Variants in POLK observed in about 807,000 individuals in gnomAD.
The protein encoded by POLK is polymerase (DNA directed) kappa.
Under a neutral mutation model 94.0 loss-of-function variants are expected in POLK, and 76 were observed. That is an observed-to-expected ratio of 0.81 (90% CI 0.67 to 0.98). The LOEUF is 0.98. Ranked by LOEUF, POLK falls within the 50% of genes least tolerant of loss-of-function variation. The probability of loss-of-function intolerance (pLI) is 0.00; values close to 1 mark genes in which losing one functional copy is unlikely to be tolerated. For missense variants in POLK, 954 were observed against 1,010.1 expected, an observed-to-expected ratio of 0.94 and a Z score of 0.75; for synonymous variants, 349 against 325.4, an observed-to-expected ratio of 1.07 and a Z score of -0.78.
chr5:75,602,507 C>CT (rs1478144312), downstream of POLK, among the ~76,000 whole-genome samples: 2 of 152,116 alleles, frequency 1.3e-5, no homozygotes, highest in African/African-American at 4.8e-5. Flanking sequence ...CCTGAGGCTG[C>CT]TAGGTTAACC....
At chr5:75,568,829 T>A (rs1376134808) in intron 3 of POLK, 1 of 195,196 alleles carries the variant, frequency 5.1e-6, no homozygotes, top group Non-Finnish European at 1.1e-5. Flanking sequence ...GTTGCTTTTT[T>A]AAGACATTAT....
Position 75,523,467 on chromosome 5 carries a change from T to TCAGGCA in POLK, c.-14+11554_-14+11559dup, listed in dbSNP as rs1266953062. Among the ~76,000 whole-genome samples the TCAGGCA allele has an allele frequency of 2.6e-5, 4 of 152,192 alleles. 1 individual carries two copies. Among genetic ancestry groups the TCAGGCA allele is most frequent in the Admixed American group, 2.6e-4 (4 of 15,282 alleles). ...TATGCAGTAATATTTACCTTAGCCC[T>TCAGGCA]CAGGCAGATATGTGAAAAGATGTGT... On this transcript the variant is annotated intron_variant, in intron 1 of 14. Coordinates refer to ENST00000241436, the Ensembl canonical transcript of POLK.
exon 15 of POLK, chr5:75,600,627 C>A (rs986232946): frequency 1.3e-5 from 2 of 151,974 alleles, no homozygotes; most frequent in Non-Finnish European, 2.9e-5. Context: ...CTGCAATATC[C>A]AAAAGTTAGA....
intron 11 of POLK, among the ~76,000 whole-genome samples, chr5:75,591,958 C>T (rs1378665952): frequency 6.6e-6 from 1 of 152,200 alleles, no homozygotes; most frequent in Non-Finnish European, 1.5e-5. Flanking sequence ...GTTTGCTAGG[C>T]TTCTCCACTG....
At chr5:75,568,077 T>G (rs1394975543) in intron 3 of POLK, among the ~76,000 whole-genome samples, 1 of 152,154 alleles carries the variant, frequency 6.6e-6, no homozygotes, top group East Asian at 1.9e-4. Context: ...AAAAGCCACA[T>G]ATACACCTAT....
intron 2 of POLK, among the ~76,000 whole-genome samples, chr5:75,551,789 C>CTTTAAATGGCATTTCCTCAAATGG (rs1284269099): frequency 2.0e-5 from 3 of 152,168 alleles, no homozygotes; most frequent in Non-Finnish European, 4.4e-5. Context: ...GGTTCAACCA[C>CTTTAAATGGCATTTCCTCAAATGG]TTTGGAAAAC....
At chr5:75,603,436 A>G (rs1773345384), downstream of POLK, among the ~76,000 whole-genome samples, 1 of 152,176 alleles carries the variant, frequency 6.6e-6, no homozygotes, top group African/African-American at 2.4e-5. Flanking sequence ...TCAAAAAAAA[A>G]AAAAAAGCAG....
intron 6 of POLK, among the ~76,000 whole-genome samples, chr5:75,579,361 T>A (rs1388079248): frequency 6.6e-6 from 1 of 150,540 alleles, no homozygotes; most frequent in African/African-American, 2.4e-5. Context: ...CAGTCTTTAT[T>A]TTTTTTTTAT....
chr5:75,587,147 T>C, intron 10 of POLK, 89 bp downstream of exon 10: 1 of 791,298 alleles, frequency 1.3e-6, no homozygotes, highest in Non-Finnish European at 2.0e-6. Flanking sequence ...ATCACTGAAA[T>C]AAGAAATCTA....
chr5:75,546,950 AGCCACCAC>A (rs1225156776), intron 1 of POLK, 52 bp from the exon 2 acceptor site: 1 of 849,866 alleles, frequency 1.2e-6, no homozygotes, highest in African/African-American at 1.7e-5. Flanking sequence ...TACGGGCATG[AGCCACCAC>A]GCCTGGCCAC....
intron 3 of POLK, among the ~76,000 whole-genome samples, chr5:75,554,582 A>G (rs2112672863): frequency 6.6e-6 from 1 of 151,948 alleles, no homozygotes; most frequent in Middle Eastern, 3.4e-3. Context: ...GGTTTGTTGT[A>G]CAGATTATTT....
intron 1 of POLK, among the ~76,000 whole-genome samples, chr5:75,528,063 G>C (rs1440563134): frequency 6.6e-6 from 1 of 152,190 alleles, no homozygotes; most frequent in African/African-American, 2.4e-5. Context: ...ACTAAATTCA[G>C]ATGCCCAGAC....
chr5:75,520,721 C>T (rs1471895853), intron 1 of POLK, among the ~76,000 whole-genome samples: 1 of 152,088 alleles, frequency 6.6e-6, no homozygotes, highest in Non-Finnish European at 1.5e-5. Flanking sequence ...GAGTTTTATA[C>T]CTTTAAATGT....
In POLK at chr5:75,591,109, C is replaced by CT. The variant is rs1184679071; in HGVS notation, c.1356+670dup. On this transcript the variant is annotated intron_variant, in intron 11 of 14. Transcript: ENST00000241436. ...AGTGTTCAATAGATCAGTAAGGTGACTATAGTGTACAGTAATCTGTGTTAC... is the reference window on the plus strand; with the variant it reads ...AGTGTTCAATAGATCAGTAAGGTGACTTATAGTGTACAGTAATCTGTGTTAC... 3.9e-5 allele frequency among the ~76,000 whole-genome samples: 6 copies of CT among 152,228 alleles called. No homozygotes were observed. In the South Asian group the frequency reaches 6.2e-4, roughly 16 times the overall value.
chr5:75,583,982 A>G (rs1772332174), intron 8 of POLK, among the ~76,000 whole-genome samples: 1 of 152,188 alleles, frequency 6.6e-6, no homozygotes, highest in African/African-American at 2.4e-5. Flanking sequence ...TGCTTTTCTC[A>G]TTCAACATAA....
intron 1 of POLK, among the ~76,000 whole-genome samples, chr5:75,537,188 G>A (rs555679789): frequency 3.3e-5 from 5 of 152,332 alleles, no homozygotes; most frequent in South Asian, 2.1e-4. Flanking sequence ...GATCTGCTCC[G>A]GGGCGCAAAG....
At chr5:75,541,208 T>C (rs185557940) in intron 1 of POLK, among the ~76,000 whole-genome samples, 153 of 152,124 alleles carry the variant, frequency 1.0e-3, no homozygotes, top group African/African-American at 3.6e-3. Context: ...GGAGAATCGC[T>C]TGAACCTGGG....
In POLK at chr5:75,576,880, G is replaced by A; in HGVS notation, c.641G>A (p.Trp214Ter). 1 of 1,567,102 alleles carries A rather than the reference G, an allele frequency of 6.4e-7. No individual in the cohort carries two copies. Among genetic ancestry groups the A allele is most frequent in the Non-Finnish European group, 8.6e-7 (1 of 1,158,238 alleles). ...AAGCACTTAGAAGAAAGACAAAATT[G>A]GCCTGAGGATAAAAGAAGGTATTTC... is the stretch of plus-strand genomic sequence containing the variant. The change falls in exon 6 of 15, where the codon TGG becomes TAG. Residue 214 changes from tryptophan to a stop codon, truncating the protein, a stop_gained. Coordinates refer to ENST00000241436, the Ensembl canonical transcript of POLK. LOFTEE classifies it high-confidence loss of function.
chr5:75,539,515 T>G (rs921634090), intron 1 of POLK, among the ~76,000 whole-genome samples: 26 of 152,220 alleles, frequency 1.7e-4, no homozygotes, highest in Admixed American at 2.0e-4. Flanking sequence ...TTCTTTTTTT[T>G]GAAACAGGGT....
Sources: gnomAD v4.1 joint callset for allele counts (sites outside exome capture counted in the v4.1 genomes callset) on GRCh38, gnomAD v4.1.1 for gene constraint, MANE v1.5 for transcripts, NCBI Gene and HGNC (gene_info 2026-07-23, HGNC 2026-07-21) for gene names.